The following TBL1XR1 variants were observed in gnomAD, a reference collection of about 807,000 sequenced individuals.
The protein encoded by TBL1XR1 is TBL1X/Y related 1.
TBL1XR1 carries 5 observed loss-of-function variants against 66.9 expected under a neutral mutation model. That is an observed-to-expected ratio of 0.07 (90% CI 0.04 to 0.16). The LOEUF (loss-of-function observed/expected upper bound fraction) is 0.16, where lower values mean the gene tolerates loss of function less well. Among genes scored for constraint, TBL1XR1 ranks in the 10% least tolerant of loss-of-function variants. The pLI is 1.00. For synonymous variants in TBL1XR1, 210 were observed against 206.0 expected (o/e 1.02, Z -0.17); for missense variants, 238 against 623.2 (o/e 0.38, Z 6.58).
intron 1 of TBL1XR1, among the ~76,000 whole-genome samples, chr3:177,133,865 G>A (rs1486840939): frequency 9.8e-6 from 1 of 101,834 alleles, no homozygotes; most frequent in Non-Finnish European, 2.0e-5. Context: ...GAAAGAGTGA[G>A]ACTCCTATCT....
intron 3 of TBL1XR1, among the ~76,000 whole-genome samples, chr3:177,059,478 T>C (rs1251824422): frequency 6.6e-6 from 1 of 152,172 alleles, no homozygotes. Context: ...AATAATAGTA[T>C]ATGGTTCTGA....
chr3:177,088,591 C>T (rs978493301), intron 2 of TBL1XR1, among the ~76,000 whole-genome samples: 1 of 152,046 alleles, frequency 6.6e-6, no homozygotes, highest in African/African-American at 2.4e-5. Context: ...TCACGTGATA[C>T]TACAGTCTTT....
chr3:177,136,334 A>T (rs1728994890), intron 1 of TBL1XR1: 1 of 151,920 alleles, frequency 6.6e-6, no homozygotes, highest in African/African-American at 2.4e-5. Context: ...GTGCAAAAGT[A>T]CGGATCTCGG....
chr3:177,052,744 C>T (rs574154523), intron 4 of TBL1XR1, among the ~76,000 whole-genome samples: 3 of 152,160 alleles, frequency 2.0e-5, no homozygotes, highest in East Asian at 3.9e-4. Context: ...TAAAAATACT[C>T]GCAAAAGGGG....
At chr3:177,066,598 G>A (rs541742074) in intron 2 of TBL1XR1, among the ~76,000 whole-genome samples, 1 of 152,332 alleles carries the variant, frequency 6.6e-6, no homozygotes, top group Admixed American at 6.5e-5. Context: ...GCAGGGAAAA[G>A]CACAGACTAT....
chr3:177,046,059 A>T (rs1716287111), intron 10 of TBL1XR1, 70 bp downstream of exon 10: 1 of 1,144,950 alleles, frequency 8.7e-7, no homozygotes, highest in Non-Finnish European at 1.2e-6. Context: ...AATAAATTAT[A>T]TGCTGTTAAA....
At position 177,034,186 on chromosome 3, in the gene TBL1XR1, C is replaced by A. The variant is rs757319858; in HGVS notation, c.1250+12G>T. ...AAGACTCATAAAAGGAAAAATGAAA[C>A]AGAAGTATCACCTTGCTAACATAAG... On this transcript the variant is annotated intron_variant, in intron 13 of 15. Coordinates refer to ENST00000457928, the MANE Select transcript of TBL1XR1 (RefSeq NM_024665.7). The A allele has an allele frequency of 1.9e-6, 3 of 1,596,112 alleles. No homozygotes were observed. Among genetic ancestry groups the A allele is most frequent in the Non-Finnish European group, 2.6e-6 (3 of 1,174,692 alleles).
intron 2 of TBL1XR1, among the ~76,000 whole-genome samples, chr3:177,078,091 T>G (rs1720912182): frequency 6.6e-6 from 1 of 152,200 alleles, no homozygotes; most frequent in African/African-American, 2.4e-5. Flanking sequence ...CACCTTTTAA[T>G]ATGCATATTT....
At chr3:177,062,095 T>A (rs752847249) in intron 3 of TBL1XR1, among the ~76,000 whole-genome samples, 16 of 152,192 alleles carry the variant, frequency 1.1e-4, no homozygotes, top group African/African-American at 1.7e-4. Context: ...TGGCACCCTT[T>A]AAGACATAAA....
rs1181188249 is a variant in TBL1XR1 at position 177,023,118 on chromosome 3, GC to G, written c.*2379del. Reference sequence around the variant, plus strand: ...GAATTTCTTGACTATCTTTTAATCAGCTGGGAAAAAGTCAATAACTGTATGC... The same window carrying G: ...GAATTTCTTGACTATCTTTTAATCAGTGGGAAAAAGTCAATAACTGTATGC... On this transcript the variant is annotated 3_prime_UTR_variant, in exon 16 of 16. Transcript: ENST00000457928. The G allele has an allele frequency of 3.9e-5, 6 of 152,158 alleles. No homozygotes were observed. Among genetic ancestry groups the G allele is most frequent in the African/African-American group, 1.4e-4 (6 of 41,462 alleles). 9.4% of individuals were successfully genotyped at this position (152,158 alleles called of 1,614,324 possible). A position where few individuals can be genotyped will look rare whatever the true frequency, so the allele number is the denominator to read the frequency against.
chr3:177,135,353 A>ATG, intron 1 of TBL1XR1, among the ~76,000 whole-genome samples: 1 of 33,530 alleles, frequency 3.0e-5, no homozygotes, highest in East Asian at 1.1e-3. Flanking sequence ...ATATATATAT[A>ATG]TATATATATA....
intron 14 of TBL1XR1, chr3:177,026,702 A>C: frequency 2.4e-6 from 1 of 425,180 alleles, no homozygotes. Flanking sequence ...CAGTTTCTCC[A>C]GTCTTGATAA....
chr3:177,113,299 C>T (rs1415201615), intron 1 of TBL1XR1, among the ~76,000 whole-genome samples: 1 of 152,138 alleles, frequency 6.6e-6, no homozygotes, highest in Non-Finnish European at 1.5e-5. Context: ...CACTTCCTGA[C>T]AGCAATCTGG....
intron 1 of TBL1XR1, among the ~76,000 whole-genome samples, chr3:177,163,628 G>A (rs1253934689): frequency 1.3e-5 from 2 of 152,082 alleles, no homozygotes; most frequent in African/African-American, 4.8e-5. Context: ...AAACAATACT[G>A]GGGAGAGGGT....
rs754559924 is a variant in TBL1XR1, at chr3:177,047,372, C to T, written c.792G>A (p.Gln264=). ...TTAATGCAAATATAGGGCCTTTATG[C>T]TGCCCTAAGGTGCTAGCAAGGTTAC... ...KDGNLASTLG[Q]HKGPIFALKW... The change falls in exon 9 of 16, where the codon CAG becomes CAA. Residue 264 remains glutamine (Q), a synonymous_variant. Transcript: ENST00000457928. The T allele has an allele frequency of 1.2e-4, 185 of 1,577,030 alleles. No homozygotes were observed. Among genetic ancestry groups the T allele is most frequent in the Non-Finnish European group, 1.5e-4 (172 of 1,159,682 alleles).
chr3:177,144,373 G>A (rs1376439221), intron 1 of TBL1XR1, among the ~76,000 whole-genome samples: 4 of 152,144 alleles, frequency 2.6e-5, no homozygotes, highest in South Asian at 4.1e-4. Context: ...GTTAGAAAAC[G>A]TTTTTCTGTA....
At chr3:177,066,491 G>A (rs1719182774) in intron 2 of TBL1XR1, among the ~76,000 whole-genome samples, 1 of 152,198 alleles carries the variant, frequency 6.6e-6, no homozygotes, top group African/African-American at 2.4e-5. Flanking sequence ...TGAGGACAGA[G>A]ACGAGTAAGG....
chr3:177,100,870 TTC>T (rs1459536767), intron 1 of TBL1XR1, among the ~76,000 whole-genome samples: 9 of 135,252 alleles, frequency 6.7e-5, no homozygotes, highest in South Asian at 2.5e-4. Context: ...GGTTTTTTTT[TTC>T]TTTGAGACGG....
In TBL1XR1 at chr3:177,054,073, T is replaced by TGTGTGCGC. The variant is rs145838308; in HGVS notation, c.59-156_59-155insGCGCACAC. Among the ~76,000 whole-genome samples the TGTGTGCGC allele has an allele frequency of 2.6e-3, 327 of 124,912 alleles. 1 individual carries two copies. Among genetic ancestry groups the TGTGTGCGC allele is most frequent in the African/African-American group, 8.6e-3 (293 of 34,256 alleles). The allele number at this position is 124,912 out of a possible 152,430, so 81.9% of individuals were successfully genotyped here. On this transcript the variant is annotated intron_variant, in intron 3 of 15. Coordinates refer to ENST00000457928, the MANE Select transcript of TBL1XR1 (RefSeq NM_024665.7). ...GTGTGTGTGTGTGTGTGTGTGTGTG[T>TGTGTGCGC]GCGCGCGCGTGTGTGTGCATGTAAA...
Sources: allele counts gnomAD v4.1 joint callset (sites outside exome capture counted in the v4.1 genomes callset), GRCh38; gene constraint gnomAD v4.1.1; transcripts MANE v1.5; gene names NCBI Gene and HGNC (gene_info 2026-07-23, HGNC 2026-07-21).